Variants in PRSS33 observed in about 807,000 individuals in gnomAD.
PRSS33 encodes the protein serine protease 33.
PRSS33 carries 32 observed loss-of-function variants against 26.7 expected under a neutral mutation model. The observed-to-expected ratio is 1.20, with a 90% CI of 0.90 to 1.61. PRSS33 has a LOEUF of 1.61. Among genes scored for constraint, PRSS33 ranks in the 40% most tolerant of loss-of-function variants. The probability of loss-of-function intolerance (pLI) is 0.00; values close to 1 mark genes in which losing one functional copy is unlikely to be tolerated. For synonymous variants in PRSS33, 192 were observed against 177.6 expected (o/e 1.08, Z -0.64); for missense variants, 450 against 396.3 (o/e 1.14, Z -1.15).
At position 2,785,117 on chromosome 16, in the gene PRSS33, G is replaced by A. The variant is rs1450974313; in HGVS notation, c.569C>T (p.Ser190Leu). 3 of 1,547,242 alleles carry A rather than the reference G, an allele frequency of 1.9e-6. No individual in the cohort carries two copies. Among genetic ancestry groups the A allele is most frequent in the Non-Finnish European group, 2.6e-6 (3 of 1,148,746 alleles). ...LQGVRVPLLD[S>L]RTCDGLYHVG... ...GTGGTAGAGGCCGTCGCAGGTGCGC[G>A]AGTCCAGCAGCGGCACCCTTACTCC... is the stretch of plus-strand genomic sequence containing the variant. The change falls in exon 6 of 7, where the codon TCG (serine) becomes TTG (leucine). Residue 190 changes from serine to leucine, a missense_variant. Transcript: ENST00000682474.
In PRSS33 at chr16:2,786,634, T is replaced by C. The variant is rs111853793; in HGVS notation, c.-57-30A>G. On this transcript the variant is annotated intron_variant, in intron 1 of 6. Transcript: ENST00000682474. ...AGCCAGCAGGGAGAAGAGAGGAGAGTCCTGGCCCAGGGGCACCAATCCTCA... is the reference window on the plus strand; with the variant it reads ...AGCCAGCAGGGAGAAGAGAGGAGAGCCCTGGCCCAGGGGCACCAATCCTCA... The C allele has an allele frequency of 4.3e-5, 65 of 1,502,134 alleles. 3 individuals are homozygous for C. The African/African-American group carries it at 4.8e-4, about 11-fold the overall frequency. 93.1% of individuals were successfully genotyped at this position (1,502,134 alleles called of 1,614,324 possible).
At chr16:2,786,462 G>A (rs1212977537) in intron 2 of PRSS33, 40 bp downstream of exon 2, 1 of 1,611,572 alleles carries the variant, frequency 6.2e-7, no homozygotes, top group Non-Finnish European at 8.5e-7. Context: ...GGGAGCCAAG[G>A]TGTCTGCGGC....
intron 4 of PRSS33, 28 bp downstream of exon 4, chr16:2,785,771 C>A (rs1194444591): frequency 6.4e-7 from 1 of 1,558,044 alleles, no homozygotes; most frequent in Admixed American, 1.9e-5. Context: ...CCTTGCACAC[C>A]CCGCCTGGGC....
In PRSS33 at chr16:2,786,592, CTTG is replaced by C. The variant is rs2068876877; in HGVS notation, c.-48_-46del. 1 of 1,609,212 alleles carries C rather than the reference CTTG, an allele frequency of 6.2e-7. No individual in the cohort carries two copies. The highest frequency in any genetic ancestry group is 8.5e-7 in the Non-Finnish European group (1 of 1,177,078). On this transcript the variant is annotated 5_prime_UTR_variant, in exon 2 of 7. Coordinates refer to ENST00000682474, the MANE Select transcript of PRSS33 (RefSeq NM_152891.3). ...TGGGTAAGGGTGGCACTGCCTAGGGCTTGGACTCTGGTCTGGAGCCAGCAGGGA... is the reference window on the plus strand; with the variant it reads ...TGGGTAAGGGTGGCACTGCCTAGGGCGACTCTGGTCTGGAGCCAGCAGGGA...
chr16:2,786,089 C>T lies in PRSS33; in HGVS notation c.79G>A (p.Ala27Thr). The change falls in exon 3 of 7, where the codon GCC (alanine) becomes ACC (threonine). Residue 27 changes from alanine (A) to threonine (T), a missense_variant and splice_region_variant. By Grantham distance (58) the Ala-to-Thr change is moderately conservative. Coordinates refer to ENST00000682474, the MANE Select transcript of PRSS33 (RefSeq NM_152891.3). The stretch of plus-strand genomic sequence containing the variant: ...CGGGTGGACTCCGAGGCTTCCTCAC[C>T]TGCAGACTTCCTTCCCTGAGTCCCA... ...AAGTQGRKSA[A>T]CGQPRMSSRI... The T allele has an allele frequency of 6.2e-7, 1 of 1,613,608 alleles. No individual in the cohort carries two copies. Among genetic ancestry groups the T allele is most frequent in the Non-Finnish European group, 8.5e-7 (1 of 1,179,844 alleles).
intron 4 of PRSS33, 63 bp from the exon 5 acceptor site, chr16:2,785,709 C>A: frequency 6.8e-7 from 1 of 1,471,736 alleles, no homozygotes; most frequent in Non-Finnish European, 8.9e-7. Flanking sequence ...CAGCCCGCCT[C>A]GACCCCAACG....
At chr16:2,786,409 G>T in intron 2 of PRSS33, 93 bp downstream of exon 2, 4 of 1,471,538 alleles carry the variant, frequency 2.7e-6, no homozygotes, top group Non-Finnish European at 2.8e-6. Flanking sequence ...GCCCAAGAGT[G>T]CTCCAGGGAG....
In PRSS33 at chr16:2,784,438, G is replaced by A. The variant is rs1442933871; in HGVS notation, c.*206C>T. 3.1e-5 allele frequency: 16 copies of A among 516,712 alleles called. No homozygotes were observed. In the East Asian group the frequency reaches 3.2e-4, roughly 10 times the overall value. 32.0% of individuals were successfully genotyped at this position (516,712 alleles called of 1,614,324 possible). On this transcript the variant is annotated 3_prime_UTR_variant, in exon 7 of 7. Transcript: ENST00000682474. Reference sequence around the variant, plus strand: ...TCCCTGGGACTCATGGCAGATTCCTGGATGAGGGTTGGTGGAGTCAGAGCT... The same window carrying A: ...TCCCTGGGACTCATGGCAGATTCCTAGATGAGGGTTGGTGGAGTCAGAGCT...
chr16:2,784,605 C>G lies in PRSS33; in HGVS notation c.*39G>C, dbSNP rs748218694. On this transcript the variant is annotated 3_prime_UTR_variant, in exon 7 of 7. Coordinates refer to ENST00000682474, the MANE Select transcript of PRSS33 (RefSeq NM_152891.3). ...CTGGATGAACCAGGAGGCTGAGGGA[C>G]CCCAGCAGCTGGCTCCAGGTCAGCC... 6.5e-6 allele frequency: 10 copies of G among 1,530,670 alleles called. No homozygotes were observed. In the Admixed American group the frequency reaches 2.0e-4, roughly 30 times the overall value. The allele number at this position is 1,530,670 out of a possible 1,614,324, so 94.8% of individuals were successfully genotyped here. A position where few individuals can be genotyped will look rare whatever the true frequency, so the allele number is the denominator to read the frequency against.
Position 2,785,078 on chromosome 16 carries a change from A to G in PRSS33, c.608T>C (p.Val203Ala). 6.4e-7 allele frequency: 1 copy of G among 1,567,380 alleles called. No individual in the cohort carries two copies. The highest frequency in any genetic ancestry group is 8.6e-7 in the Non-Finnish European group (1 of 1,159,146). Residue 203 changes from valine to alanine, a missense_variant, in exon 6 of 7, where the codon GTG (valine) becomes GCG (alanine). Physicochemically the swap from Val to Ala is moderately conservative, Grantham distance 64 (BLOSUM62 0). Coordinates refer to ENST00000682474, the MANE Select transcript of PRSS33 (RefSeq NM_152891.3). ...CAGCACAATGCGCTCAGCCTGGGGC[A>G]CGTCCGCGCCCACGTGGTAGAGGCC... ...CDGLYHVGADVPQAERIVLPG... is the reference protein window; with the variant it reads ...CDGLYHVGADAPQAERIVLPG...
rs528926348 is a variant in PRSS33, at chr16:2,785,443, A to G, written c.446T>C (p.Val149Ala). 3 of 1,490,026 alleles carry G rather than the reference A, an allele frequency of 2.0e-6. No homozygotes were observed. The highest frequency in any genetic ancestry group is 5.3e-5 in the East Asian group (2 of 37,664). The allele number at this position is 1,490,026 out of a possible 1,614,324, so 92.3% of individuals were successfully genotyped here. Residue 149 changes from valine to alanine, a missense_variant, in exon 5 of 7, where the codon GTG becomes GCG. Transcript: ENST00000682474. ...SARVQPVCLP[V>A]PGARPPPGTP... Reference sequence around the variant, plus strand: ...GCCGGGCGGCGGGCGGGCGCCGGGCACGGGCAGGCAGACGGGTTGGACGCG... The same window carrying G: ...GCCGGGCGGCGGGCGGGCGCCGGGCGCGGGCAGGCAGACGGGTTGGACGCG...
At chr16:2,785,691 A>AC (rs1437435982) in intron 4 of PRSS33, 45 bp from the exon 5 acceptor site, 1 of 1,464,860 alleles carries the variant, frequency 6.8e-7, no homozygotes, top group Non-Finnish European at 9.0e-7. Context: ...CGGGTCCTCG[A>AC]CCCCCTCCAG....
Position 2,786,612 on chromosome 16 carries a change from C to T in PRSS33, c.-57-8G>A. 6.3e-7 allele frequency: 1 copy of T among 1,590,734 alleles called. No homozygotes were observed. Reference sequence around the variant, plus strand: ...TAGGGCTTGGACTCTGGTCTGGAGCCAGCAGGGAGAAGAGAGGAGAGTCCT... The same window carrying T: ...TAGGGCTTGGACTCTGGTCTGGAGCTAGCAGGGAGAAGAGAGGAGAGTCCT... On this transcript the variant is annotated splice_region_variant and splice_polypyrimidine_tract_variant and intron_variant, in intron 1 of 6. Transcript: ENST00000682474.
rs1346999616 is a variant in PRSS33 at position 2,786,423 on chromosome 16, G to A, written c.46+79C>T. ...AGCCCAAGAGTGCTCCAGGGAGCCC[G>A]GCCCAGGGAGCAGTGAGATGGGAGA... is the stretch of plus-strand genomic sequence containing the variant. On this transcript the variant is annotated intron_variant, in intron 2 of 6. Transcript: ENST00000682474. The A allele has an allele frequency of 7.7e-6, 12 of 1,560,254 alleles. No homozygotes were observed. In the African/African-American group the frequency reaches 9.5e-5, roughly 12 times the overall value.
intron 6 of PRSS33, 64 bp from the exon 7 acceptor site, chr16:2,784,866 C>A (rs1388002722): frequency 1.7e-5 from 26 of 1,538,232 alleles, no homozygotes; most frequent in Non-Finnish European, 2.0e-5. Flanking sequence ...GGGTTCCAGA[C>A]CCCTGGCGTG....
At chr16:2,785,732 C>T (rs1596305888) in intron 4 of PRSS33, 67 bp downstream of exon 4, 14 of 1,492,150 alleles carry the variant, frequency 9.4e-6, no homozygotes, top group Non-Finnish European at 1.2e-5. Flanking sequence ...TCTGCCAGGC[C>T]ACGCCCGGTC....
At position 2,784,227 on chromosome 16, in the gene PRSS33, A is replaced by G. The variant is rs1322171750; in HGVS notation, c.*417T>C. On this transcript the variant is annotated 3_prime_UTR_variant, in exon 7 of 7. Transcript: ENST00000682474. ...CTGTGGTCCCCGTGTCCTCAAAGCC[A>G]GCTATGGAGGATCTCCCTGGTGTCA... The G allele has an allele frequency of 6.5e-6, 1 of 154,414 alleles. No individual in the cohort carries two copies. Among genetic ancestry groups the G allele is most frequent in the Non-Finnish European group, 1.4e-5 (1 of 69,552 alleles). The allele number at this position is 154,414 out of a possible 1,614,324, so 9.6% of individuals were successfully genotyped here. A position where few individuals can be genotyped will look rare whatever the true frequency, so the allele number is the denominator to read the frequency against.
chr16:2,784,596 G>T lies in PRSS33; in HGVS notation c.*48C>A. ...GGCAGGTGCCTGGATGAACCAGGAG[G>T]CTGAGGGACCCCAGCAGCTGGCTCC... On this transcript the variant is annotated 3_prime_UTR_variant, in exon 7 of 7. Coordinates refer to ENST00000682474, the MANE Select transcript of PRSS33 (RefSeq NM_152891.3). 1 of 1,517,256 alleles carries T rather than the reference G, an allele frequency of 6.6e-7. No individual in the cohort carries two copies. The highest frequency in any genetic ancestry group is 8.9e-7 in the Non-Finnish European group (1 of 1,125,742). The allele number at this position is 1,517,256 out of a possible 1,614,324, so 94.0% of individuals were successfully genotyped here. A position where few individuals can be genotyped will look rare whatever the true frequency, so the allele number is the denominator to read the frequency against.
chr16:2,784,302 A>G lies in PRSS33; in HGVS notation c.*342T>C, dbSNP rs2068847947. ...ACTTTCTCCAGAAAAAGATGGGCACACAGGCCAGATGGGCAGCAATTGGTT... is the reference window on the plus strand; with the variant it reads ...ACTTTCTCCAGAAAAAGATGGGCACGCAGGCCAGATGGGCAGCAATTGGTT... On this transcript the variant is annotated 3_prime_UTR_variant, in exon 7 of 7. Coordinates refer to ENST00000682474, the MANE Select transcript of PRSS33 (RefSeq NM_152891.3). 2 of 183,116 alleles carry G rather than the reference A, an allele frequency of 1.1e-5. No homozygotes were observed. Among genetic ancestry groups the G allele is most frequent in the East Asian group, 1.4e-4 (1 of 7,060 alleles). 11.3% of individuals were successfully genotyped at this position (183,116 alleles called of 1,614,324 possible). A position where few individuals can be genotyped will look rare whatever the true frequency, so the allele number is the denominator to read the frequency against.
Sources: gnomAD v4.1 joint callset for allele counts on GRCh38, gnomAD v4.1.1 for gene constraint, MANE v1.5 for transcripts, NCBI Gene and HGNC (gene_info 2026-07-23, HGNC 2026-07-21) for gene names.